Variants in GBE1 observed in about 807,000 individuals in gnomAD.
GBE1 encodes the protein 1,4-alpha-glucan branching enzyme 1.
In GBE1, 70 loss-of-function variants were observed where a neutral mutation model predicts 88.8. The ratio of observed to expected loss-of-function variants is 0.79; its 90% CI spans 0.65 to 0.96. The LOEUF is 0.96. Among genes scored for constraint, GBE1 ranks in the 40% least tolerant of loss-of-function variants. The pLI, the probability that GBE1 is intolerant of heterozygous loss-of-function variation, is 0.00. For synonymous variants in GBE1, 284 were observed against 300.1 expected (o/e 0.95, Z 0.56); for missense variants, 872 against 871.0 (o/e 1.00, Z -0.01).
intron 14 of GBE1, among the ~76,000 whole-genome samples, chr3:81,529,877 G>A (rs1291085780): frequency 1.3e-5 from 2 of 151,632 alleles, no homozygotes; most frequent in African/African-American, 2.4e-5. Context: ...AAAGTTCTCC[G>A]TTACTATCTC....
intron 2 of GBE1, among the ~76,000 whole-genome samples, chr3:81,695,837 CA>C (rs1705583071): frequency 6.6e-6 from 1 of 152,130 alleles, no homozygotes; most frequent in Admixed American, 6.5e-5. Flanking sequence ...GTATTATTTT[CA>C]GCTTCCTGAT....
intron 1 of GBE1, among the ~76,000 whole-genome samples, chr3:81,759,832 CTGTT>C (rs752865953): frequency 6.6e-6 from 1 of 151,890 alleles, no homozygotes; most frequent in South Asian, 2.1e-4. Flanking sequence ...GAATGTTAAT[CTGTT>C]TGTGTCATTT....
rs553832982 is a variant in GBE1, at chr3:81,742,464, T to C, written c.143+18911A>G. On this transcript the variant is annotated intron_variant, in intron 1 of 15. Transcript: ENST00000429644. ...AATAAATATGAAAACTGGGCATGCA[T>C]GTCTTCCCCTTAGTAATAAAAATGA... is the stretch of plus-strand genomic sequence containing the variant. Among the ~76,000 whole-genome samples, 90 of 152,264 alleles carry C rather than the reference T, an allele frequency of 5.9e-4. No homozygotes were observed. In the South Asian group the frequency reaches 7.5e-3, roughly 13 times the overall value.
At position 81,684,788 on chromosome 3, in the gene GBE1, T is replaced by C. The variant is rs534265972; in HGVS notation, c.314-13835A>G. Among the ~76,000 whole-genome samples the C allele has an allele frequency of 2.0e-5, 3 of 152,304 alleles. No individual in the cohort carries two copies. In the East Asian group the frequency reaches 5.8e-4, roughly 29 times the overall value. On this transcript the variant is annotated intron_variant, in intron 2 of 15. Coordinates refer to ENST00000429644, the MANE Select transcript of GBE1 (RefSeq NM_000158.4). ...ATAGAAAAGCTCACTAGTACATTTT[T>C]GCAAGCCCTGAAAACATTAGGCATG...
In GBE1 at chr3:81,536,892, T is replaced by C. The variant is rs776067576; in HGVS notation, c.1803+19A>G. The C allele has an allele frequency of 1.3e-6, 2 of 1,561,080 alleles. No homozygotes were observed. Among genetic ancestry groups the C allele is most frequent in the Admixed American group, 4.0e-5 (2 of 49,912 alleles). On this transcript the variant is annotated intron_variant, in intron 13 of 15. Transcript: ENST00000429644. ...CCTCATTGGTGACTAAAACACAGCA[T>C]CCAGAGTGAAGAGCTTACCTGTGGA... is the stretch of plus-strand genomic sequence containing the variant.
intron 1 of GBE1, among the ~76,000 whole-genome samples, chr3:81,730,913 G>A (rs1363127479): frequency 1.3e-5 from 2 of 152,118 alleles, no homozygotes; most frequent in African/African-American, 4.8e-5. Context: ...CTTATATGAA[G>A]AGTACCAGTG....
At chr3:81,541,450 G>GCC (rs11456624) in intron 12 of GBE1, among the ~76,000 whole-genome samples, 3,019 of 144,758 alleles carry the variant, frequency 0.021, 63 homozygotes, top group Non-Finnish European at 0.036. Context: ...GCTGCAAGTT[G>GCC]CCCCCCCCGC....
intron 14 of GBE1, among the ~76,000 whole-genome samples, chr3:81,506,494 G>C (rs752205999): frequency 9.9e-5 from 15 of 152,152 alleles, no homozygotes; most frequent in Non-Finnish European, 1.6e-4. Context: ...TTTGAACATT[G>C]TGGAAGACAG....
intron 1 of GBE1, among the ~76,000 whole-genome samples, chr3:81,712,965 AAGTG>A (rs551947613): frequency 1.6e-3 from 249 of 152,360 alleles, no homozygotes; most frequent in Middle Eastern, 6.8e-3. Flanking sequence ...CGAGACTTTA[AAGTG>A]AGTATTTTAT....
Position 81,733,618 on chromosome 3 carries a change from T to G in GBE1, c.143+27757A>C, listed in dbSNP as rs1706217327. ...GCATGACTAATTCCCCTGCAGGTCT[T>G]TCCACAAATGTCAGCTTCTCAATAG... On this transcript the variant is annotated intron_variant, in intron 1 of 15. Transcript: ENST00000429644. The surrounding 1 kb of genome is among the most constrained non-coding windows in gnomAD (Gnocchi z 4.0). Among the ~76,000 whole-genome samples the G allele has an allele frequency of 6.6e-6, 1 of 152,116 alleles. No individual in the cohort carries two copies. The highest frequency in any genetic ancestry group is 1.5e-5 in the Non-Finnish European group (1 of 68,008).
chr3:81,518,274 G>A (rs896159732), intron 14 of GBE1, among the ~76,000 whole-genome samples: 4 of 151,458 alleles, frequency 2.6e-5, no homozygotes, highest in Non-Finnish European at 4.4e-5. Flanking sequence ...GCACAACTGA[G>A]CTATGAAACA....
chr3:81,601,913 G>T (rs1341249095), intron 7 of GBE1, among the ~76,000 whole-genome samples: 1 of 152,094 alleles, frequency 6.6e-6, no homozygotes, highest in Non-Finnish European at 1.5e-5. Flanking sequence ...CAGGTGCTAG[G>T]GACACAGCTA....
intron 12 of GBE1, among the ~76,000 whole-genome samples, chr3:81,546,285 C>T (rs1323302404): frequency 2.0e-5 from 3 of 151,890 alleles, no homozygotes; most frequent in Non-Finnish European, 4.4e-5. Context: ...ATACACACAC[C>T]TGTACACACT....
chr3:81,531,827 A>G (rs9813324), intron 14 of GBE1, among the ~76,000 whole-genome samples: 7,790 of 152,050 alleles, frequency 0.051, 373 homozygotes, highest in African/African-American at 0.12. Flanking sequence ...AGACTTTCAA[A>G]TTTATCTGGA....
At chr3:81,641,760 G>T (rs144354514) in intron 7 of GBE1, among the ~76,000 whole-genome samples, 1 of 151,540 alleles carries the variant, frequency 6.6e-6, no homozygotes, top group Non-Finnish European at 1.5e-5. Flanking sequence ...TCTAATTTAG[G>T]TTGAAAAATG....
At chr3:81,579,231 C>A (rs1411740243) in intron 11 of GBE1, among the ~76,000 whole-genome samples, 1 of 151,842 alleles carries the variant, frequency 6.6e-6, no homozygotes, top group East Asian at 1.9e-4. Flanking sequence ...AAATAACATC[C>A]ACATTTTTAC....
intron 1 of GBE1, among the ~76,000 whole-genome samples, chr3:81,743,283 A>G (rs115898774): frequency 0.017 from 2,571 of 152,266 alleles, 88 homozygotes; most frequent in African/African-American, 0.059. Flanking sequence ...TGTTTTCATT[A>G]TGAGTATGAG....
At chr3:81,683,356 A>G (rs1705381488) in intron 2 of GBE1, among the ~76,000 whole-genome samples, 1 of 152,222 alleles carries the variant, frequency 6.6e-6, no homozygotes, top group Non-Finnish European at 1.5e-5. Flanking sequence ...TGTTGGAGAT[A>G]CCGTAAAGGA....
Position 81,581,146 on chromosome 3 carries a change from T to C in GBE1, c.1446+19A>G. 4.3e-6 allele frequency: 6 copies of C among 1,399,206 alleles called. No homozygotes were observed. Among genetic ancestry groups the C allele is most frequent in the Non-Finnish European group, 6.0e-6 (6 of 992,852 alleles). 86.7% of individuals were successfully genotyped at this position (1,399,206 alleles called of 1,614,324 possible). A position where few individuals can be genotyped will look rare whatever the true frequency, so the allele number is the denominator to read the frequency against. On this transcript the variant is annotated intron_variant, in intron 11 of 15. Transcript: ENST00000429644. ...AGAGAGAGAGAGAAATAAATGAATT[T>C]ATGCACATATTCATTTACCTGATCA...
Sources: gnomAD v4.1 joint callset for allele counts (sites outside exome capture counted in the v4.1 genomes callset) on GRCh38, gnomAD v4.1.1 for gene constraint, Gnocchi (gnomAD v3.1) non-coding constraint, MANE v1.5 for transcripts, NCBI Gene and HGNC (gene_info 2026-07-23, HGNC 2026-07-21) for gene names.